The following SMCO2 variants were observed in gnomAD, a reference collection of about 807,000 sequenced individuals.
SMCO2 encodes single-pass membrane protein with coiled-coil domains 2.
In SMCO2, 25 loss-of-function variants were observed where a neutral mutation model predicts 29.5. That is an observed-to-expected ratio of 0.85 (90% CI 0.62 to 1.18). The LOEUF is 1.18. Ranked by LOEUF, SMCO2 falls within the 50% of genes most tolerant of loss-of-function variation. SMCO2 has a pLI of 0.00. For synonymous variants in SMCO2, 117 were observed against 123.3 expected, an observed-to-expected ratio of 0.95 and a Z score of 0.34; for missense variants, 348 against 344.5, an observed-to-expected ratio of 1.01 and a Z score of -0.08.
At chr12:27,453,983 T>A in the SMCO2 span, among the ~76,000 whole-genome samples, 2 of 152,082 alleles carry the variant, frequency 1.3e-5, no homozygotes, top group African/African-American at 2.4e-5. Context: ...TCTCTATGAA[T>A]CTCTTTTTTG....
At chr12:27,440,008 G>A in the SMCO2 span, among the ~76,000 whole-genome samples, 1 of 152,088 alleles carries the variant, frequency 6.6e-6, no homozygotes, top group Non-Finnish European at 1.5e-5. Flanking sequence ...TTAGAACACC[G>A]AACAGATTCA....
At chr12:27,460,556 G>GTGA in the SMCO2 span, among the ~76,000 whole-genome samples, 1,748 of 152,246 alleles carry the variant, frequency 0.011, 36 homozygotes, top group African/African-American at 0.039. Context: ...CTTCATCCTT[G>GTGA]TGATCGTCAG....
chr12:27,438,205 T>G, the SMCO2 span, among the ~76,000 whole-genome samples: 1,481 of 152,316 alleles, frequency 9.7e-3, 64 homozygotes, highest in East Asian at 0.076. Context: ...CTGTGATATC[T>G]CACTCCTGGT....
the SMCO2 span, among the ~76,000 whole-genome samples, chr12:27,438,070 C>T: frequency 6.6e-6 from 1 of 152,188 alleles, no homozygotes. Context: ...GTCTCACCTC[C>T]TCCACTGAAA....
intron 7 of SMCO2, among the ~76,000 whole-genome samples, chr12:27,499,953 A>ATATTGTAC (rs1943057372): frequency 6.6e-6 from 1 of 150,550 alleles, no homozygotes; most frequent in Admixed American, 6.6e-5. Flanking sequence ...ACTGACCATA[A>ATATTGTAC]ATAATGTGGA....
the SMCO2 span, among the ~76,000 whole-genome samples, chr12:27,442,980 A>G: frequency 6.6e-6 from 1 of 152,214 alleles, no homozygotes; most frequent in African/African-American, 2.4e-5. Flanking sequence ...TATTCTAGAA[A>G]ATTGAAGAGG....
chr12:27,475,344 T>C (rs1230313483), intron 4 of SMCO2, among the ~76,000 whole-genome samples: 1 of 152,184 alleles, frequency 6.6e-6, no homozygotes, highest in Non-Finnish European at 1.5e-5. Context: ...TAAAAATATA[T>C]CTTTTTTTAT....
chr12:27,495,834 C>T (rs1242655936), exon 7 of SMCO2: 18 of 1,523,500 alleles, frequency 1.2e-5, no homozygotes, highest in Non-Finnish European at 1.6e-5. Flanking sequence ...GTGCAGAAGT[C>T]TCCTCCCCGC....
chr12:27,445,965 G>A, the SMCO2 span, among the ~76,000 whole-genome samples: 7 of 151,274 alleles, frequency 4.6e-5, no homozygotes, highest in East Asian at 3.9e-4. Context: ...GTGCAATGGC[G>A]TGATCTCAGC....
the SMCO2 span, among the ~76,000 whole-genome samples, chr12:27,450,786 A>G: frequency 6.6e-6 from 1 of 152,232 alleles, no homozygotes; most frequent in South Asian, 2.1e-4. Flanking sequence ...TAACAATTCT[A>G]TATTAAGGTA....
the SMCO2 span, among the ~76,000 whole-genome samples, chr12:27,429,685 G>A: frequency 2.0e-5 from 3 of 152,150 alleles, no homozygotes; most frequent in Admixed American, 6.5e-5. Context: ...TTAGGATGTC[G>A]GAAAGTTTTG....
At chr12:27,451,369 C>T in the SMCO2 span, among the ~76,000 whole-genome samples, 129 of 152,184 alleles carry the variant, frequency 8.5e-4, no homozygotes, top group Admixed American at 5.2e-3. Context: ...GGGGTTATAA[C>T]GGTCATCCAT....
intron 5 of SMCO2, among the ~76,000 whole-genome samples, chr12:27,491,535 G>A (rs1475879909): frequency 6.6e-6 from 1 of 152,076 alleles, no homozygotes; most frequent in African/African-American, 2.4e-5. Flanking sequence ...GATTGATGAT[G>A]AATAAACGTG....
the SMCO2 span, among the ~76,000 whole-genome samples, chr12:27,437,032 A>G: frequency 6.6e-6 from 1 of 152,228 alleles, no homozygotes; most frequent in Middle Eastern, 3.2e-3. Context: ...ACATTGTTAC[A>G]TTAGCTGAAA....
chr12:27,451,549 G>T, the SMCO2 span, among the ~76,000 whole-genome samples: 14 of 152,168 alleles, frequency 9.2e-5, no homozygotes, highest in Non-Finnish European at 1.5e-4. Context: ...CAACAACAAG[G>T]TTTATCTAAC....
chr12:27,481,600 C>A (rs1949644079), intron 4 of SMCO2, among the ~76,000 whole-genome samples: 1 of 151,976 alleles, frequency 6.6e-6, no homozygotes, highest in African/African-American at 2.4e-5. Context: ...AGCTGTATTG[C>A]CTGGAAATTT....
the SMCO2 span, among the ~76,000 whole-genome samples, chr12:27,458,072 G>C: frequency 1.3e-5 from 2 of 152,118 alleles, no homozygotes; most frequent in African/African-American, 4.8e-5. Flanking sequence ...ATGCAGAAAA[G>C]GCTAATTGTA....
chr12:27,475,508 G>A, intron 4 of SMCO2, 74 bp from the exon 5 acceptor site: 2 of 1,431,562 alleles, frequency 1.4e-6, no homozygotes, highest in East Asian at 2.6e-5. Context: ...GCTATTCAAA[G>A]GAAGAGCATT....
intron 4 of SMCO2, among the ~76,000 whole-genome samples, chr12:27,481,383 T>G (rs1949642223): frequency 6.6e-6 from 1 of 152,250 alleles, no homozygotes; most frequent in Non-Finnish European, 1.5e-5. Flanking sequence ...AGGGATCTCT[T>G]ACCTTTTCCC....
Sources: gnomAD v4.1 joint callset for allele counts (sites outside exome capture counted in the v4.1 genomes callset) on GRCh38, gnomAD v4.1.1 for gene constraint, MANE v1.5 for transcripts, NCBI Gene and HGNC (gene_info 2026-07-23, HGNC 2026-07-21) for gene names.